Variants in ASTN2 observed in about 807,000 individuals in gnomAD.
ASTN2 encodes the protein astrotactin 2.
ASTN2 carries 54 observed loss-of-function variants against 139.8 expected under a neutral mutation model. The observed-to-expected ratio is 0.39, with a 90% CI of 0.31 to 0.48. The LOEUF (loss-of-function observed/expected upper bound fraction) is 0.48, where lower values mean the gene tolerates loss of function less well. Ranked by LOEUF, ASTN2 falls within the 20% of genes least tolerant of loss-of-function variation. ASTN2 has a pLI of 0.95. For missense variants in ASTN2, 1,565 were observed against 1,725.1 expected (o/e 0.91, Z 1.64); for synonymous variants, 756 against 719.5 (o/e 1.05, Z -0.81).
chr9:116,644,150 AG>A (rs1280996717), intron 17 of ASTN2, among the ~76,000 whole-genome samples: 1 of 151,924 alleles, frequency 6.6e-6, no homozygotes, highest in Admixed American at 6.6e-5. Flanking sequence ...TAACTGGGGG[AG>A]GGGGTGAGAC....
intron 5 of ASTN2, among the ~76,000 whole-genome samples, chr9:117,073,156 C>T (rs75858117): frequency 0.028 from 4,204 of 151,806 alleles, 74 homozygotes; most frequent in South Asian, 0.06. Context: ...ACTGGTTAGT[C>T]GCTCTCCGAT....
At chr9:117,276,292 G>A (rs548225603) in intron 2 of ASTN2, among the ~76,000 whole-genome samples, 43 of 152,270 alleles carry the variant, frequency 2.8e-4, no homozygotes, top group African/African-American at 9.9e-4. Context: ...AAGATCACAC[G>A]GTTATCAAAA....
At chr9:116,831,650 C>T (rs960581411) in intron 11 of ASTN2, among the ~76,000 whole-genome samples, 19 of 151,994 alleles carry the variant, frequency 1.3e-4, no homozygotes, top group Admixed American at 5.2e-4. Context: ...AAAAAGTTAA[C>T]GAGGATGGGG....
At chr9:116,762,695 T>C (rs528939013) in intron 13 of ASTN2, among the ~76,000 whole-genome samples, 4 of 152,260 alleles carry the variant, frequency 2.6e-5, no homozygotes, top group Non-Finnish European at 5.9e-5. Context: ...TTTATTGGAA[T>C]GCACTCACAA....
chr9:116,890,738 A>G (rs1833741679), intron 10 of ASTN2, among the ~76,000 whole-genome samples: 1 of 152,134 alleles, frequency 6.6e-6, no homozygotes, highest in Non-Finnish European at 1.5e-5. Flanking sequence ...CAGGGTGGAA[A>G]GAAGCTTCTA....
intron 6 of ASTN2, among the ~76,000 whole-genome samples, chr9:117,035,211 G>C (rs577799291): frequency 1.3e-5 from 2 of 152,258 alleles, no homozygotes; most frequent in South Asian, 2.1e-4. Context: ...GGAGCTTCTT[G>C]CACTTGACAT....
intron 20 of ASTN2, among the ~76,000 whole-genome samples, chr9:116,445,945 G>A (rs528254558): frequency 6.6e-6 from 1 of 152,140 alleles, no homozygotes; most frequent in African/African-American, 2.4e-5. Flanking sequence ...TCACAGTGCT[G>A]GGTCAAAAGT....
Position 116,918,686 on chromosome 9 carries a change from C to T in ASTN2, c.1890-54953G>A, listed in dbSNP as rs530754907. On this transcript the variant is annotated intron_variant, in intron 10 of 22. Transcript: ENST00000313400. ...GTGTCCCTCTGGCATCTCCATTACA[C>T]GGACTATTATGCAGCTATCAGAAAT... Among the ~76,000 whole-genome samples the T allele has an allele frequency of 1.2e-3, 180 of 152,254 alleles. 2 individuals carry two copies. Among genetic ancestry groups the T allele is most frequent in the African/African-American group, 3.6e-3 (150 of 41,536 alleles).
intron 2 of ASTN2, among the ~76,000 whole-genome samples, chr9:117,265,613 C>T (rs750053090): frequency 3.9e-5 from 6 of 152,258 alleles, no homozygotes; most frequent in South Asian, 4.2e-4. Context: ...ATCTCCAATC[C>T]GGCCTAAATC....
At chr9:116,784,948 A>T (rs1423033146) in intron 13 of ASTN2, among the ~76,000 whole-genome samples, 1 of 151,290 alleles carries the variant, frequency 6.6e-6, no homozygotes, top group Non-Finnish European at 1.5e-5. Flanking sequence ...AAAAAAAAAA[A>T]AATAAGAGGA....
At chr9:117,342,918 ATTC>A (rs1319309240) in intron 1 of ASTN2, among the ~76,000 whole-genome samples, 1 of 152,078 alleles carries the variant, frequency 6.6e-6, no homozygotes, top group African/African-American at 2.4e-5. Context: ...ATCAAATGAC[ATTC>A]TGGGAGGCCA....
intron 2 of ASTN2, among the ~76,000 whole-genome samples, chr9:117,250,078 T>G (rs796884481): frequency 2.6e-5 from 4 of 152,344 alleles, no homozygotes; most frequent in African/African-American, 7.2e-5. Context: ...CCGCAGGGAC[T>G]TCTTAATCCA....
At chr9:117,026,852 G>A (rs969885484) in intron 6 of ASTN2, among the ~76,000 whole-genome samples, 1 of 152,096 alleles carries the variant, frequency 6.6e-6, no homozygotes, top group Non-Finnish European at 1.5e-5. Flanking sequence ...TATGTGCTAC[G>A]CAAGATCACC....
intron 4 of ASTN2, among the ~76,000 whole-genome samples, chr9:117,132,269 C>G (rs1829844836): frequency 6.6e-6 from 1 of 152,162 alleles, no homozygotes; most frequent in African/African-American, 2.4e-5. Flanking sequence ...GTCAGCTGAA[C>G]CTACCCCACC....
intron 7 of ASTN2, among the ~76,000 whole-genome samples, chr9:116,993,946 T>G (rs1405152524): frequency 1.3e-5 from 2 of 150,480 alleles, no homozygotes; most frequent in African/African-American, 4.9e-5. Flanking sequence ...GTAAGTTACA[T>G]GGTGGCAGGG....
chr9:117,388,686 C>G (rs1830465779), intron 1 of ASTN2, among the ~76,000 whole-genome samples: 1 of 152,160 alleles, frequency 6.6e-6, no homozygotes, highest in South Asian at 2.1e-4. Context: ...GATTAGAAGT[C>G]AGAGCTCTTC....
intron 20 of ASTN2, among the ~76,000 whole-genome samples, chr9:116,446,639 G>A (rs780504310): frequency 1.2e-4 from 19 of 152,216 alleles, no homozygotes; most frequent in African/African-American, 1.7e-4. Context: ...TGAAAGAGGC[G>A]GCTCATGGAT....
intron 10 of ASTN2, among the ~76,000 whole-genome samples, chr9:116,955,099 A>G (rs567814924): frequency 6.6e-6 from 1 of 152,374 alleles, no homozygotes; most frequent in African/African-American, 2.4e-5. Context: ...ATAGAGCTCT[A>G]TTGAAATATT....
chr9:116,455,787 T>C (rs1408801994), intron 20 of ASTN2, among the ~76,000 whole-genome samples: 2 of 151,378 alleles, frequency 1.3e-5, no homozygotes, highest in African/African-American at 4.8e-5. Context: ...AGTAATACAA[T>C]CTATTTTTGT....
Sources: allele counts gnomAD v4.1 joint callset (sites outside exome capture counted in the v4.1 genomes callset), GRCh38; gene constraint gnomAD v4.1.1; transcripts MANE v1.5; gene names NCBI Gene and HGNC (gene_info 2026-07-23, HGNC 2026-07-21).